The following RALYL variants were observed in gnomAD, a reference collection of about 807,000 sequenced individuals.
RALYL encodes RNA-binding Raly-like protein.
In RALYL, 29 loss-of-function variants were observed where a neutral mutation model predicts 35.1. The ratio of observed to expected loss-of-function variants is 0.83; its 90% CI spans 0.61 to 1.13. The LOEUF (loss-of-function observed/expected upper bound fraction) is 1.13, where lower values mean the gene tolerates loss of function less well. Among genes scored for constraint, RALYL ranks in the 50% most tolerant of loss-of-function variants. RALYL has a pLI of 0.00. For synonymous variants in RALYL, 120 were observed against 127.6 expected, an observed-to-expected ratio of 0.94 and a Z score of 0.40; for missense variants, 359 against 360.4, an observed-to-expected ratio of 1.00 and a Z score of 0.03.
At chr8:84,560,234 C>T (rs749708857) in intron 2 of RALYL, among the ~76,000 whole-genome samples, 1 of 151,592 alleles carries the variant, frequency 6.6e-6, no homozygotes, top group Admixed American at 6.6e-5. Flanking sequence ...TATCTCTTGG[C>T]TAGGGAAGGG....
chr8:84,746,674 A>G (rs778151502), intron 2 of RALYL, among the ~76,000 whole-genome samples: 1 of 151,956 alleles, frequency 6.6e-6, no homozygotes, highest in Non-Finnish European at 1.5e-5. Context: ...ATGTTCCACT[A>G]TTCCCCTAAG....
intron 1 of RALYL, among the ~76,000 whole-genome samples, chr8:84,433,343 A>G (rs1298997459): frequency 6.6e-6 from 1 of 152,094 alleles, no homozygotes; most frequent in Admixed American, 6.6e-5. Flanking sequence ...TTTTATTTTA[A>G]CCATCTTATT....
chr8:84,727,338 A>T (rs1845157420), intron 2 of RALYL, among the ~76,000 whole-genome samples: 1 of 152,094 alleles, frequency 6.6e-6, no homozygotes, highest in Admixed American at 6.6e-5. Context: ...AAAAGGAAAC[A>T]TTAAACCCTG....
Position 84,424,907 on chromosome 8 carries a change from T to C in RALYL, c.-23-104392T>C, listed in dbSNP as rs562756448. Among the ~76,000 whole-genome samples the C allele has an allele frequency of 1.3e-4, 20 of 151,750 alleles. No individual in the cohort carries two copies. The East Asian group carries it at 3.1e-3, about 24-fold the overall frequency. On this transcript the variant is annotated intron_variant, in intron 1 of 8. Coordinates refer to ENST00000521268, the MANE Select transcript of RALYL (RefSeq NM_173848.7). ...CCACTTGAGGAGGCAGTCTGCAGGT[T>C]CTCAGATCTCCAGCTGTGTGCTGGG...
intron 1 of RALYL, among the ~76,000 whole-genome samples, chr8:84,435,623 T>C (rs963110667): frequency 1.3e-5 from 2 of 152,144 alleles, no homozygotes; most frequent in African/African-American, 4.8e-5. Flanking sequence ...AGTGCTGTGC[T>C]TAAAACTTAA....
intron 1 of RALYL, among the ~76,000 whole-genome samples, chr8:84,187,793 G>C (rs777810467): frequency 6.6e-6 from 1 of 152,110 alleles, no homozygotes; most frequent in Non-Finnish European, 1.5e-5. Context: ...AGAGCCAGTA[G>C]TAAGTATATA....
chr8:84,853,156 G>A (rs1167720696), intron 5 of RALYL, among the ~76,000 whole-genome samples: 1 of 152,074 alleles, frequency 6.6e-6, no homozygotes, highest in East Asian at 1.9e-4. Flanking sequence ...CTAACCTCCT[G>A]GGAATGCAGC....
intron 1 of RALYL, among the ~76,000 whole-genome samples, chr8:84,231,732 A>G (rs1167886404): frequency 2.0e-5 from 3 of 152,180 alleles, no homozygotes; most frequent in Admixed American, 2.0e-4. Context: ...TTGTTGGGTT[A>G]TCATTGTCCA....
rs554695519 is a variant in RALYL at position 84,730,610 on chromosome 8, C to T, written c.257-43969C>T. ...AAGTCAAATTGTCCCTGTTGGCAGA[C>T]GACATGATTGTATATCTAGAAGACC... On this transcript the variant is annotated intron_variant, in intron 2 of 8. Coordinates refer to ENST00000521268, the MANE Select transcript of RALYL (RefSeq NM_173848.7). Among the ~76,000 whole-genome samples the T allele has an allele frequency of 1.4e-3, 212 of 151,960 alleles. 1 individual carries two copies. Among genetic ancestry groups the T allele is most frequent in the African/African-American group, 4.5e-3 (188 of 41,472 alleles).
intron 2 of RALYL, among the ~76,000 whole-genome samples, chr8:84,577,791 G>A (rs537271471): frequency 2.4e-4 from 37 of 152,256 alleles, no homozygotes; most frequent in African/African-American, 8.4e-4. Flanking sequence ...AAGAAAATTT[G>A]TGAAAAGTTT....
intron 1 of RALYL, among the ~76,000 whole-genome samples, chr8:84,467,121 G>A (rs1321988615): frequency 2.0e-5 from 3 of 151,996 alleles, no homozygotes; most frequent in South Asian, 2.1e-4. Context: ...TTTTTGAAGG[G>A]TTTTTTGTGT....
chr8:84,547,262 A>G (rs1503600), intron 2 of RALYL, among the ~76,000 whole-genome samples: 53,974 of 152,032 alleles, frequency 0.36, 9,772 homozygotes, highest in South Asian at 0.51. Context: ...TCAAATTAAC[A>G]TAGGTATTTA....
chr8:84,365,037 C>G (rs569315139), intron 1 of RALYL, among the ~76,000 whole-genome samples: 2 of 152,088 alleles, frequency 1.3e-5, no homozygotes, highest in South Asian at 2.1e-4. Context: ...AAATAGTCAA[C>G]AAAGCAAGAA....
At chr8:84,316,197 T>C (rs981491443) in intron 1 of RALYL, among the ~76,000 whole-genome samples, 1 of 152,160 alleles carries the variant, frequency 6.6e-6, no homozygotes, top group East Asian at 1.9e-4. Context: ...AACGATTTAC[T>C]CTTTAGCATC....
chr8:84,275,155 T>C (rs1835110349), intron 1 of RALYL, among the ~76,000 whole-genome samples: 2 of 152,184 alleles, frequency 1.3e-5, no homozygotes, highest in Non-Finnish European at 2.9e-5. Flanking sequence ...AGAATTCTAT[T>C]ACAAGTATAA....
chr8:84,661,936 G>A (rs1362906282), intron 2 of RALYL, among the ~76,000 whole-genome samples: 1 of 146,000 alleles, frequency 6.8e-6, no homozygotes, highest in African/African-American at 2.5e-5. Context: ...TCACATTTTT[G>A]TTACTGTTTT....
chr8:84,468,936 C>T (rs567176003), intron 1 of RALYL, among the ~76,000 whole-genome samples: 3,008 of 150,054 alleles, frequency 0.02, 51 homozygotes, highest in Non-Finnish European at 0.029. Context: ...TTGATCGCAT[C>T]GGCTCCTGAG....
chr8:84,445,915 G>A (rs1417304965), intron 1 of RALYL, among the ~76,000 whole-genome samples: 2 of 151,036 alleles, frequency 1.3e-5, no homozygotes, highest in Non-Finnish European at 1.5e-5. Flanking sequence ...TTTTTTAAAA[G>A]GAGGCCAATA....
intron 1 of RALYL, among the ~76,000 whole-genome samples, chr8:84,441,060 GT>G (rs1477758595): frequency 6.6e-6 from 1 of 151,732 alleles, no homozygotes; most frequent in Non-Finnish European, 1.5e-5. Context: ...TTGTTTATAT[GT>G]TTTGCCGATC....
Sources: allele counts gnomAD v4.1 joint callset (sites outside exome capture counted in the v4.1 genomes callset), GRCh38; gene constraint gnomAD v4.1.1; transcripts MANE v1.5; gene names NCBI Gene and HGNC (gene_info 2026-07-23, HGNC 2026-07-21).